Variants in MATCAP2 observed in about 807,000 individuals in gnomAD.
MATCAP2 encodes microtubule associated tyrosine carboxypeptidase 2.
At chr7:36,348,346 A>G in the MATCAP2 span, among the ~76,000 whole-genome samples, 3 of 152,218 alleles carry the variant, frequency 2.0e-5, no homozygotes, top group East Asian at 1.9e-4. Context: ...TGGTAGTCAC[A>G]CACTAAAATC....
At chr7:36,349,181 G>A in the MATCAP2 span, among the ~76,000 whole-genome samples, 1 of 152,120 alleles carries the variant, frequency 6.6e-6, no homozygotes, top group Non-Finnish European at 1.5e-5. Flanking sequence ...TTTTTGAAGA[G>A]GTGAGATGAT....
the MATCAP2 span, among the ~76,000 whole-genome samples, chr7:36,346,892 CTAGGAT>C: frequency 6.6e-6 from 1 of 152,130 alleles, no homozygotes; most frequent in African/African-American, 2.4e-5. Context: ...TCCTGAGTAG[CTAGGAT>C]TATAGGTGCC....
the MATCAP2 span, among the ~76,000 whole-genome samples, chr7:36,367,617 G>A: frequency 1.0e-3 from 153 of 152,164 alleles, 1 homozygote; most frequent in Non-Finnish European, 2.0e-3. Flanking sequence ...AGTGCAGGAG[G>A]CTCAATGACC....
At chr7:36,348,081 T>C in the MATCAP2 span, among the ~76,000 whole-genome samples, 1 of 152,188 alleles carries the variant, frequency 6.6e-6, no homozygotes, top group Non-Finnish European at 1.5e-5. Flanking sequence ...CCAACACGTA[T>C]GGCTCCTTTG....
At chr7:36,372,348 T>C in the MATCAP2 span, among the ~76,000 whole-genome samples, 4 of 152,122 alleles carry the variant, frequency 2.6e-5, no homozygotes, top group African/African-American at 9.7e-5. Context: ...ATCTAGGAAA[T>C]AGTTGGTAGA....
At chr7:36,328,167 C>T in the MATCAP2 span, among the ~76,000 whole-genome samples, 1 of 148,264 alleles carries the variant, frequency 6.7e-6, no homozygotes, top group Non-Finnish European at 1.5e-5. Context: ...CTCCTGGGCT[C>T]AAGCGATCCT....
chr7:36,347,439 G>C, the MATCAP2 span, among the ~76,000 whole-genome samples: 864 of 152,256 alleles, frequency 5.7e-3, 6 homozygotes, highest in Non-Finnish European at 7.8e-3. Context: ...AGTATGATAG[G>C]GGGTAGGATA....
the MATCAP2 span, among the ~76,000 whole-genome samples, chr7:36,382,714 C>T: frequency 2.6e-5 from 4 of 152,220 alleles, no homozygotes; most frequent in South Asian, 2.1e-4. Context: ...AGGATGGTCT[C>T]GATCTCCTGA....
chr7:36,358,025 T>C, the MATCAP2 span, among the ~76,000 whole-genome samples: 2 of 152,010 alleles, frequency 1.3e-5, no homozygotes, highest in African/African-American at 4.8e-5. Context: ...GGTGAAACCC[T>C]GTCTCTACCA....
At chr7:36,385,797 TAAAATAAAATAA>T in the MATCAP2 span, among the ~76,000 whole-genome samples, 6 of 98,592 alleles carry the variant, frequency 6.1e-5, no homozygotes, top group East Asian at 1.7e-3. Context: ...AAAAATAAAA[TAAAATAAAATAA>T]AATAAAATAA....
At chr7:36,347,244 A>G in the MATCAP2 span, among the ~76,000 whole-genome samples, 5 of 152,306 alleles carry the variant, frequency 3.3e-5, no homozygotes, top group South Asian at 1.0e-3. Context: ...AACTTTCAAC[A>G]CTTAGATAAT....
chr7:36,331,028 C>T, the MATCAP2 span: 8 of 1,613,608 alleles, frequency 5.0e-6, no homozygotes, highest in South Asian at 2.2e-5. Context: ...ATCTCTGTAT[C>T]GGAGGATTTG....
the MATCAP2 span, among the ~76,000 whole-genome samples, chr7:36,336,808 G>C: frequency 6.6e-6 from 1 of 151,680 alleles, no homozygotes; most frequent in Non-Finnish European, 1.5e-5. Context: ...TTTTTTTAAA[G>C]AATTGGCCAG....
chr7:36,333,101 C>A, the MATCAP2 span, among the ~76,000 whole-genome samples: 2 of 152,150 alleles, frequency 1.3e-5, no homozygotes, highest in Non-Finnish European at 1.5e-5. Context: ...TTAAACGTTC[C>A]TGCCTGCCGG....
the MATCAP2 span, among the ~76,000 whole-genome samples, chr7:36,363,536 C>T: frequency 6.6e-6 from 1 of 152,194 alleles, no homozygotes; most frequent in Non-Finnish European, 1.5e-5. Context: ...AGCAAACCAT[C>T]GGATAATGTC....
At chr7:36,383,657 C>G in the MATCAP2 span, among the ~76,000 whole-genome samples, 63 of 152,182 alleles carry the variant, frequency 4.1e-4, 1 homozygote, top group East Asian at 8.9e-3. Flanking sequence ...ACACCAGGGT[C>G]TGTAGGGGGG....
At chr7:36,380,415 A>C in the MATCAP2 span, among the ~76,000 whole-genome samples, 5 of 152,218 alleles carry the variant, frequency 3.3e-5, no homozygotes, top group Non-Finnish European at 5.9e-5. Context: ...CAGTGGAATA[A>C]ATTTGAAATG....
the MATCAP2 span, among the ~76,000 whole-genome samples, chr7:36,352,919 G>C: frequency 6.6e-6 from 1 of 151,876 alleles, no homozygotes; most frequent in African/African-American, 2.4e-5. Flanking sequence ...ATGGTGTTCT[G>C]GCTTTTCCTG....
chr7:36,385,621 CA>C, the MATCAP2 span, among the ~76,000 whole-genome samples: 1 of 151,692 alleles, frequency 6.6e-6, no homozygotes, highest in African/African-American at 2.4e-5. Flanking sequence ...CCTGTCTCTA[CA>C]AAAAATTTTA....
Sources: allele counts gnomAD v4.1 joint callset (sites outside exome capture counted in the v4.1 genomes callset), GRCh38; gene constraint gnomAD v4.1.1; transcripts MANE v1.5; gene names NCBI Gene and HGNC (gene_info 2026-07-23, HGNC 2026-07-21).